TTC28: variants seen among roughly 807,000 people sequenced by gnomAD.
The protein encoded by TTC28 is tetratricopeptide repeat domain 28, also known as tetratricopeptide repeat protein 28.
In TTC28, 61 loss-of-function variants were observed where a neutral mutation model predicts 198.0. The ratio of observed to expected loss-of-function variants is 0.31; its 90% CI spans 0.25 to 0.38. The LOEUF is 0.38. Ranked by LOEUF, TTC28 falls within the 10% of genes least tolerant of loss-of-function variation. The pLI, the probability that TTC28 is intolerant of heterozygous loss-of-function variation, is 1.00. For missense variants in TTC28, 2,678 were observed against 3,164.0 expected (o/e 0.85, Z 3.69); for synonymous variants, 1,171 against 1,297.8 (o/e 0.90, Z 2.10).
intron 2 of TTC28, among the ~76,000 whole-genome samples, chr22:28,484,401 C>A (rs1053282210): frequency 1.3e-5 from 2 of 152,160 alleles, no homozygotes; most frequent in East Asian, 1.9e-4. Flanking sequence ...CATGAGCCAC[C>A]GCACCCAGCC....
intron 8 of TTC28, among the ~76,000 whole-genome samples, chr22:28,103,682 A>C (rs937718352): frequency 7.9e-5 from 12 of 152,202 alleles, no homozygotes; most frequent in African/African-American, 2.9e-4. Flanking sequence ...TACAAATTAG[A>C]GTTTTTAGAT....
intron 5 of TTC28, among the ~76,000 whole-genome samples, chr22:28,232,478 T>TA: frequency 1.3e-5 from 2 of 152,320 alleles, no homozygotes; most frequent in East Asian, 3.9e-4. Context: ...GTCCATCACA[T>TA]AGAGAAAGCT....
At chr22:28,326,594 G>C (rs987902399) in intron 2 of TTC28, among the ~76,000 whole-genome samples, 2 of 152,114 alleles carry the variant, frequency 1.3e-5, no homozygotes, top group African/African-American at 4.8e-5. Context: ...GTTAAGATGG[G>C]AATGCTTGTT....
At chr22:28,010,365 A>AT (rs993056146) in intron 14 of TTC28, among the ~76,000 whole-genome samples, 1 of 152,170 alleles carries the variant, frequency 6.6e-6, no homozygotes, top group Non-Finnish European at 1.5e-5. Flanking sequence ...CTGATAGCAT[A>AT]TTCTTTAAGT....
intron 5 of TTC28, among the ~76,000 whole-genome samples, chr22:28,246,525 C>A (rs1356222206): frequency 3.3e-5 from 5 of 152,110 alleles, no homozygotes; most frequent in South Asian, 2.1e-4. Flanking sequence ...GTATTTTATG[C>A]AACTATGCTA....
chr22:28,199,544 T>TATATATATATATATATATAA (rs1216441974), intron 5 of TTC28, among the ~76,000 whole-genome samples: 1 of 148,142 alleles, frequency 6.8e-6, no homozygotes, highest in Admixed American at 6.8e-5. Context: ...TATATATATA[T>TATATATATATATATATATAA]ATATACACAC....
chr22:28,635,320 C>CA (rs1221712853), intron 1 of TTC28, among the ~76,000 whole-genome samples: 2 of 151,520 alleles, frequency 1.3e-5, no homozygotes, highest in Admixed American at 6.6e-5. Flanking sequence ...GACTCCGTCT[C>CA]AAAAAAACAA....
intron 2 of TTC28, among the ~76,000 whole-genome samples, chr22:28,546,247 T>G (rs2049538286): frequency 6.6e-6 from 1 of 152,134 alleles, no homozygotes; most frequent in Non-Finnish European, 1.5e-5. Context: ...TCCCAGCACT[T>G]GGGCCTGGCC....
intron 12 of TTC28, among the ~76,000 whole-genome samples, chr22:28,040,138 A>C (rs1281736366): frequency 6.6e-6 from 1 of 152,216 alleles, no homozygotes; most frequent in African/African-American, 2.4e-5. Context: ...ACAGATTCAC[A>C]GCCAAATTCT....
At chr22:28,234,008 G>A (rs1211409939) in intron 5 of TTC28, among the ~76,000 whole-genome samples, 3 of 151,454 alleles carry the variant, frequency 2.0e-5, no homozygotes, top group African/African-American at 4.9e-5. Context: ...CCGGGTTCAC[G>A]CTGTTCTCCT....
chr22:28,255,033 T>C (rs1054870781), intron 5 of TTC28, among the ~76,000 whole-genome samples: 1 of 152,106 alleles, frequency 6.6e-6, no homozygotes, highest in Non-Finnish European at 1.5e-5. Flanking sequence ...ATACAGGATC[T>C]CAAACCACAA....
At chr22:28,657,549 A>C (rs1412650796) in intron 1 of TTC28, among the ~76,000 whole-genome samples, 1 of 152,226 alleles carries the variant, frequency 6.6e-6, no homozygotes, top group East Asian at 1.9e-4. Flanking sequence ...ATCAGAAGTA[A>C]ATCAATTCAC....
Position 27,990,809 on chromosome 22 carries a change from C to T in TTC28, c.5557G>A (p.Val1853Ile), listed in dbSNP as rs1297384982. The change falls in exon 20 of 23, where the codon GTT becomes ATT. Residue 1853 changes from valine (V) to isoleucine (I), a missense_variant. Around this residue, in one of 8 missense-constraint regions of TTC28, gnomAD observed 314 missense variants for 442.7 expected, o/e 0.71. Coordinates refer to ENST00000397906, the MANE Select transcript of TTC28 (RefSeq NM_001145418.2). ...ETGEQLISRAVKNMVGMLHQV... is the reference protein window; with the variant it reads ...ETGEQLISRAIKNMVGMLHQV... The stretch of plus-strand genomic sequence containing the variant: ...CTCACCATTCCAACCATATTTTTAA[C>T]AGCCTTCGGCCAGCAGATTATAAGA... 2 of 1,549,620 alleles carry T rather than the reference C, an allele frequency of 1.3e-6. No individual in the cohort carries two copies.
At chr22:28,332,047 T>C (rs2045624538) in intron 2 of TTC28, among the ~76,000 whole-genome samples, 1 of 152,078 alleles carries the variant, frequency 6.6e-6, no homozygotes, top group African/African-American at 2.4e-5. Context: ...TGCATATGAG[T>C]CTTCTACAGA....
At chr22:28,161,969 C>CTGA (rs1569170182) in intron 6 of TTC28, among the ~76,000 whole-genome samples, 6 of 152,116 alleles carry the variant, frequency 3.9e-5, no homozygotes, top group Admixed American at 3.9e-4. Flanking sequence ...CTACTCATAT[C>CTGA]TGATAAGCAT....
intron 17 of TTC28, chr22:27,994,551 T>C (rs949385908): frequency 1.3e-5 from 2 of 151,154 alleles, no homozygotes; most frequent in Non-Finnish European, 2.9e-5. Context: ...GAAACAAGCC[T>C]GCCTGGGAGG....
At chr22:28,482,775 C>T (rs867020950) in intron 2 of TTC28, among the ~76,000 whole-genome samples, 2 of 152,104 alleles carry the variant, frequency 1.3e-5, no homozygotes, top group African/African-American at 4.8e-5. Context: ...CACATTATGT[C>T]TCTATGGATT....
intron 5 of TTC28, among the ~76,000 whole-genome samples, chr22:28,218,991 T>C (rs963366289): frequency 1.3e-5 from 2 of 151,992 alleles, no homozygotes; most frequent in Non-Finnish European, 2.9e-5. Flanking sequence ...TATCTTAGTA[T>C]TATTATGAAA....
chr22:28,235,182 A>G (rs1929142105), intron 5 of TTC28, among the ~76,000 whole-genome samples: 1 of 151,606 alleles, frequency 6.6e-6, no homozygotes, highest in Non-Finnish European at 1.5e-5. Flanking sequence ...TCCAGACTTC[A>G]CTGCTCTTTG....
Sources: gnomAD v4.1 joint callset for allele counts (sites outside exome capture counted in the v4.1 genomes callset) on GRCh38, gnomAD v4.1.1 for gene constraint, gnomAD v4.1.1 regional missense constraint, MANE v1.5 for transcripts, NCBI Gene and HGNC (gene_info 2026-07-23, HGNC 2026-07-21) for gene names.